TOMM70: variants seen among roughly 807,000 people sequenced by gnomAD.
TOMM70 encodes the protein mitochondrial import receptor subunit TOM70.
A neutral mutation model predicts 73.6 loss-of-function variants in TOMM70; 13 were observed. The observed-to-expected ratio is 0.18, with a 90% confidence interval of 0.11 to 0.28. The LOEUF (loss-of-function observed/expected upper bound fraction) is 0.28. Ranked by LOEUF, TOMM70 falls within the 10% of genes least tolerant of loss-of-function variation. The pLI is 1.00. For synonymous variants in TOMM70, 257 were observed against 271.2 expected (o/e 0.95, Z 0.51); for missense variants, 609 against 747.5 (o/e 0.81, Z 2.16).
chr3:100,382,302 C>T (rs544365673), intron 4 of TOMM70, among the ~76,000 whole-genome samples: 63 of 151,922 alleles, frequency 4.1e-4, no homozygotes, highest in Non-Finnish European at 6.0e-4. Context: ...TGGAAACATG[C>T]GATTTTTCAT....
chr3:100,396,019 T>G (rs1175052503), intron 1 of TOMM70, among the ~76,000 whole-genome samples: 6 of 151,926 alleles, frequency 3.9e-5, no homozygotes, highest in East Asian at 1.9e-4. Flanking sequence ...ATCAGGTTTT[T>G]TTTTTTTTTT....
intron 1 of TOMM70, among the ~76,000 whole-genome samples, chr3:100,390,238 T>C (rs1706742914): frequency 6.6e-6 from 1 of 152,186 alleles, no homozygotes; most frequent in Non-Finnish European, 1.5e-5. Context: ...GTAGTCTTTA[T>C]CCTGAAGGAC....
chr3:100,367,156 GGT>G (rs1706454735), intron 11 of TOMM70, among the ~76,000 whole-genome samples: 1 of 152,186 alleles, frequency 6.6e-6, no homozygotes, highest in South Asian at 2.1e-4. Flanking sequence ...GGGAGGCAGA[GGT>G]TGCAGAGTCA....
intron 8 of TOMM70, among the ~76,000 whole-genome samples, chr3:100,373,095 C>T (rs1039675825): frequency 6.0e-5 from 9 of 150,162 alleles, no homozygotes; most frequent in African/African-American, 2.0e-4. Flanking sequence ...CGACTCCAGC[C>T]ATACAGCTAA....
At chr3:100,374,057 C>A (rs1706537983) in intron 7 of TOMM70, among the ~76,000 whole-genome samples, 1 of 152,094 alleles carries the variant, frequency 6.6e-6, no homozygotes, top group Admixed American at 6.5e-5. Context: ...CACTTAACAC[C>A]CTTCTGAAAG....
chr3:100,400,567 C>T (rs1009277564), intron 1 of TOMM70, 59 bp downstream of exon 1: 15 of 1,561,976 alleles, frequency 9.6e-6, no homozygotes, highest in Middle Eastern at 1.8e-4. Flanking sequence ...TGACACAACC[C>T]GCCAAGGAAA....
intron 1 of TOMM70, among the ~76,000 whole-genome samples, chr3:100,387,995 T>G (rs1706714031): frequency 6.6e-6 from 1 of 152,184 alleles, no homozygotes; most frequent in African/African-American, 2.4e-5. Context: ...ATAGCTACTT[T>G]AAGCTAGCTA....
Position 100,386,338 on chromosome 3 carries a change from A to G in TOMM70, c.505T>C (p.Trp169Arg). Residue 169 changes from tryptophan (W) to arginine (R), a missense_variant, in exon 3 of 12, where the codon TGG becomes CGG. This residue lies in a region of TOMM70 where 432 missense variants were observed against 584.1 expected (regional missense o/e 0.74). Coordinates refer to ENST00000284320, the MANE Select transcript of TOMM70 (RefSeq NM_014820.5). ...RAAAFEQLQK[W>R]KEVAQDCTKA... ...GTACAGTCTTGTGCCACTTCTTTCC[A>G]TTTTTGCTGTAATTGAAAGTATTTA... 1 of 1,597,666 alleles carries G rather than the reference A, an allele frequency of 6.3e-7. No individual in the cohort carries two copies.
chr3:100,377,898 T>C lies in TOMM70; in HGVS notation c.899A>G (p.Lys300Arg). 1.9e-6 allele frequency: 3 copies of C among 1,612,892 alleles called. No individual in the cohort carries two copies. Among genetic ancestry groups the C allele is most frequent in the Middle Eastern group, 3.5e-4 (2 of 5,668 alleles). Residue 300 changes from lysine to arginine, a missense_variant, in exon 6 of 12, where the codon AAG (lysine) becomes AGG (arginine). Transcript: ENST00000284320. ...LEVKENSGYL[K>R]AKQYMEEENY... Reference sequence around the variant, plus strand: ...TTCTTCTTCCATATACTGTTTGGCCTTTAAGTATCCAGAACTGAAAATAAA... The same window carrying C: ...TTCTTCTTCCATATACTGTTTGGCCCTTAAGTATCCAGAACTGAAAATAAA...
Position 100,381,221 on chromosome 3 carries a change from A to G in TOMM70, c.884+394T>C, listed in dbSNP as rs569976563. On this transcript the variant is annotated intron_variant, in intron 5 of 11. Coordinates refer to ENST00000284320, the MANE Select transcript of TOMM70 (RefSeq NM_014820.5). ...AAAATTCACTCTTTGGGCACCCCTA[A>G]AAGTATCTGTTTATAAATTAAAAAC... Among the ~76,000 whole-genome samples, 3 of 152,272 alleles carry G rather than the reference A, an allele frequency of 2.0e-5. No homozygotes were observed. The South Asian group carries it at 6.2e-4, about 32-fold the overall frequency.
intron 9 of TOMM70, 150 bp downstream of exon 9, chr3:100,372,456 G>A (rs955999657): frequency 5.1e-6 from 3 of 584,210 alleles, no homozygotes; most frequent in East Asian, 2.8e-5. Flanking sequence ...GAGGTGATTC[G>A]GGACCAACCA....
At chr3:100,369,490 C>A (rs1229471960) in intron 9 of TOMM70, among the ~76,000 whole-genome samples, 1 of 148,776 alleles carries the variant, frequency 6.7e-6, no homozygotes, top group African/African-American at 2.5e-5. Context: ...ATAATACAGC[C>A]CAAGGGAATT....
intron 1 of TOMM70, among the ~76,000 whole-genome samples, chr3:100,393,372 A>G (rs551933540): frequency 1.3e-5 from 2 of 152,290 alleles, no homozygotes; most frequent in East Asian, 3.9e-4. Flanking sequence ...ATATGTTCTC[A>G]CTTATAAGTG....
intron 7 of TOMM70, 50 bp from the exon 8 acceptor site, chr3:100,373,695 A>G (rs752706663): frequency 1.5e-6 from 2 of 1,305,266 alleles, no homozygotes; most frequent in South Asian, 2.4e-5. Flanking sequence ...CCAGTTAAGT[A>G]TGTTCAGTGT....
intron 5 of TOMM70, among the ~76,000 whole-genome samples, chr3:100,378,981 T>TGG (rs1706598228): frequency 6.6e-6 from 1 of 151,858 alleles, no homozygotes; most frequent in East Asian, 1.9e-4. Context: ...CACTCCAGCT[T>TGG]GGGCGACAGA....
At chr3:100,400,396 G>A (rs1706879953) in intron 1 of TOMM70, among the ~76,000 whole-genome samples, 1 of 152,204 alleles carries the variant, frequency 6.6e-6, no homozygotes, top group South Asian at 2.1e-4. Context: ...GAGAAGAAAA[G>A]CAAAGGATTT....
Position 100,386,961 on chromosome 3 carries a change from G to T in TOMM70, c.342C>A (p.Ala114=), listed in dbSNP as rs908879557. The change falls in exon 2 of 12, where the codon GCC becomes GCA. Residue 114 remains alanine (A), a synonymous_variant. Coordinates refer to ENST00000284320, the MANE Select transcript of TOMM70 (RefSeq NM_014820.5). ...AHLDMNSLDR[A]QAAKNKGNKY... ...TATTGCCTTTATTCTTGGCTGCTTG[G>T]GCTCTATCAAGAGAGTTCTGAAATG... The T allele has an allele frequency of 8.7e-6, 14 of 1,613,624 alleles. No homozygotes were observed. The Admixed American group carries it at 2.3e-4, about 27-fold the overall frequency.
At chr3:100,390,767 T>G (rs911042826) in intron 1 of TOMM70, among the ~76,000 whole-genome samples, 12 of 151,252 alleles carry the variant, frequency 7.9e-5, no homozygotes, top group African/African-American at 2.7e-4. Context: ...AGGCAGAGGT[T>G]GTAGTGAGCC....
intron 5 of TOMM70, 64 bp from the exon 6 acceptor site, chr3:100,377,976 G>T: frequency 6.9e-7 from 1 of 1,442,598 alleles, no homozygotes; most frequent in Non-Finnish European, 9.6e-7. Flanking sequence ...GCTGGGTGTG[G>T]TGGCTCACGC....
Sources: gnomAD v4.1 joint callset for allele counts (sites outside exome capture counted in the v4.1 genomes callset) on GRCh38, gnomAD v4.1.1 for gene constraint, gnomAD v4.1.1 regional missense constraint, MANE v1.5 for transcripts, NCBI Gene and HGNC (gene_info 2026-07-23, HGNC 2026-07-21) for gene names.